PRSS3: variants seen among roughly 807,000 people sequenced by gnomAD.
PRSS3 encodes serine protease 3.
Under a neutral mutation model 20.8 loss-of-function variants are expected in PRSS3, and 14 were observed. The ratio of observed to expected loss-of-function variants is 0.67; its 90% confidence interval spans 0.44 to 1.05. The LOEUF (loss-of-function observed/expected upper bound fraction) is 1.05. Ranked by LOEUF, PRSS3 falls within the 50% of genes least tolerant of loss-of-function variation. The pLI is 0.00. For synonymous variants in PRSS3, 91 were observed against 117.6 expected (o/e 0.77, Z 1.46); for missense variants, 237 against 306.4 (o/e 0.77, Z 1.69).
At chr9:33,795,029 A>G (rs1444339560), upstream of PRSS3, among the ~76,000 whole-genome samples, 2 of 144,052 alleles carry the variant, frequency 1.4e-5, no homozygotes, top group East Asian at 3.9e-4. Context: ...CTGGATACCC[A>G]AAGTCTTGGA....
intron 1 of PRSS3, among the ~76,000 whole-genome samples, chr9:33,762,320 T>C (rs934766272): frequency 1.3e-5 from 2 of 152,146 alleles, no homozygotes; most frequent in African/African-American, 4.8e-5. Flanking sequence ...GCTGTCAAAT[T>C]CTAAAGACGG....
intron 1 of PRSS3, among the ~76,000 whole-genome samples, chr9:33,752,041 A>T (rs1478193426): frequency 1.3e-5 from 2 of 152,196 alleles, no homozygotes; most frequent in Non-Finnish European, 2.9e-5. Context: ...CTGGCTGTGC[A>T]TTATTTGTTC....
intron 1 of PRSS3, among the ~76,000 whole-genome samples, chr9:33,757,493 T>G (rs1823003272): frequency 6.7e-6 from 1 of 150,046 alleles, no homozygotes; most frequent in South Asian, 2.1e-4. Flanking sequence ...TTTTTTTCCC[T>G]GGGAAAGGTT....
chr9:33,755,555 T>C (rs1423020653), intron 1 of PRSS3, among the ~76,000 whole-genome samples: 2 of 152,208 alleles, frequency 1.3e-5, no homozygotes, highest in African/African-American at 4.8e-5. Flanking sequence ...TCTTTTAAGT[T>C]CCCAATACGG....
chr9:33,776,712 T>C (rs1389646667), intron 1 of PRSS3, among the ~76,000 whole-genome samples: 1 of 152,148 alleles, frequency 6.6e-6, no homozygotes, highest in East Asian at 1.9e-4. Context: ...CAACAGCTTA[T>C]GTCAGAAGAA....
chr9:33,773,095 C>G (rs1311990289), intron 1 of PRSS3, among the ~76,000 whole-genome samples: 1 of 152,218 alleles, frequency 6.6e-6, no homozygotes, highest in African/African-American at 2.4e-5. Context: ...CATTTCCTCT[C>G]TCTTCTTCTG....
At chr9:33,752,229 G>A (rs1263260590) in intron 1 of PRSS3, among the ~76,000 whole-genome samples, 4 of 152,260 alleles carry the variant, frequency 2.6e-5, no homozygotes, top group Middle Eastern at 3.4e-3. Flanking sequence ...TGTGATGGCC[G>A]AGGCGAAGTT....
intron 1 of PRSS3, among the ~76,000 whole-genome samples, chr9:33,770,847 C>T (rs1198503010): frequency 1.3e-5 from 2 of 152,088 alleles, no homozygotes; most frequent in African/African-American, 4.8e-5. Flanking sequence ...ACCCACACAA[C>T]GAAGTACCAT....
rs1164845761 is a variant in PRSS3 at position 33,797,961 on chromosome 9, CA to C, written c.336del (p.Lys112AsnfsTer37). ...DTLDNDIMLI[K>X]LSSPAVINAR... ...CTCTGGACAATGACATCATGCTGAT[CA>C]AACTCTCCTCACCTGCCGTCATCAA... On this transcript the variant is annotated frameshift_variant, in exon 3 of 5. Transcript: ENST00000379405. LOFTEE classifies it high-confidence loss of function. 6.2e-7 allele frequency: 1 copy of C among 1,614,158 alleles called. No individual in the cohort carries two copies. Among genetic ancestry groups the C allele is most frequent in the Non-Finnish European group, 8.5e-7 (1 of 1,180,052 alleles).
intron 1 of PRSS3, among the ~76,000 whole-genome samples, chr9:33,761,288 C>T (rs855419): frequency 0.23 from 35,470 of 152,162 alleles, 4,319 homozygotes; most frequent in South Asian, 0.32. Context: ...AGTCTGTAGG[C>T]GTGAGCGCTT....
chr9:33,782,722 A>G (rs1824236069), intron 1 of PRSS3, among the ~76,000 whole-genome samples: 1 of 152,226 alleles, frequency 6.6e-6, no homozygotes, highest in Admixed American at 6.5e-5. Context: ...GCAACACCAA[A>G]TGCTGGCAAA....
chr9:33,761,047 G>T (rs751092292), intron 1 of PRSS3, among the ~76,000 whole-genome samples: 2 of 152,204 alleles, frequency 1.3e-5, no homozygotes, highest in Admixed American at 6.5e-5. Context: ...TGTGCTATGC[G>T]CTAGGACTGC....
chr9:33,762,987 T>C (rs1369936526), intron 1 of PRSS3, among the ~76,000 whole-genome samples: 1 of 152,210 alleles, frequency 6.6e-6, no homozygotes, highest in Non-Finnish European at 1.5e-5. Context: ...GTCCCTGTTT[T>C]AGAAGGAGGA....
rs1316951443 is a variant in PRSS3, at chr9:33,750,752, G to T, written c.-53+25G>T. The T allele has an allele frequency of 2.1e-6, 3 of 1,418,870 alleles. No individual in the cohort carries two copies. Among genetic ancestry groups the T allele is most frequent in the Middle Eastern group, 2.0e-4 (1 of 5,118 alleles). The allele number at this position is 1,418,870 out of a possible 1,614,324, so 87.9% of individuals were successfully genotyped here. On this transcript the variant is annotated intron_variant, in intron 1 of 5. Transcript: ENST00000342836. This position sits in a 1 kb window ranked among gnomAD's most constrained non-coding sequence, Gnocchi z 4.8. Reference sequence around the variant, plus strand: ...GGTCAGACGTCAGTACCCGCAGGGGGCTTGAAACTGGAGGAGGGCTCGAAG... The same window carrying T: ...GGTCAGACGTCAGTACCCGCAGGGGTCTTGAAACTGGAGGAGGGCTCGAAG...
intron 1 of PRSS3, among the ~76,000 whole-genome samples, chr9:33,766,922 T>C (rs1292883901): frequency 6.6e-6 from 1 of 151,784 alleles, no homozygotes; most frequent in Non-Finnish European, 1.5e-5. Context: ...ATTAAACACC[T>C]TAAAAGGATA....
chr9:33,761,667 T>C (rs999265035), intron 1 of PRSS3, among the ~76,000 whole-genome samples: 2 of 151,724 alleles, frequency 1.3e-5, no homozygotes, highest in Non-Finnish European at 1.5e-5. Context: ...GATCACGCCA[T>C]TGCACTCTAG....
At chr9:33,785,379 G>A (rs1389634943) in intron 1 of PRSS3, among the ~76,000 whole-genome samples, 2 of 150,638 alleles carry the variant, frequency 1.3e-5, no homozygotes, top group African/African-American at 4.9e-5. Context: ...GGGTTTCACC[G>A]TTTTAGCCGG....
Position 33,750,995 on chromosome 9 carries a change from C to T in PRSS3, c.-53+268C>T, listed in dbSNP as rs1822666565. ...CCCCCTCCGGGCTGCGGCACCGATGCGCACACTACTCCCACCGCCCCCGAG... is the reference window on the plus strand; with the variant it reads ...CCCCCTCCGGGCTGCGGCACCGATGTGCACACTACTCCCACCGCCCCCGAG... On this transcript the variant is annotated intron_variant, in intron 1 of 5. Transcript: ENST00000342836. The surrounding 1 kb of genome is among the most constrained non-coding windows in gnomAD (Gnocchi z 4.8). The T allele has an allele frequency of 1.4e-6, 1 of 693,948 alleles. No homozygotes were observed. Among genetic ancestry groups the T allele is most frequent in the Non-Finnish European group, 2.1e-6 (1 of 480,526 alleles). The allele number at this position is 693,948 out of a possible 1,614,324, so 43.0% of individuals were successfully genotyped here.
intron 1 of PRSS3, among the ~76,000 whole-genome samples, chr9:33,755,031 C>A (rs1822876298): frequency 6.9e-6 from 1 of 145,872 alleles, no homozygotes. Context: ...TCTAGAGGAA[C>A]TTTTTTAAAT....
Sources: gnomAD v4.1 joint callset for allele counts (sites outside exome capture counted in the v4.1 genomes callset) on GRCh38, gnomAD v4.1.1 for gene constraint, Gnocchi (gnomAD v3.1) non-coding constraint, MANE v1.5 for transcripts, NCBI Gene and HGNC (gene_info 2026-07-23, HGNC 2026-07-21) for gene names.